Variants in SVIL observed in about 807,000 individuals in gnomAD.
The protein encoded by SVIL is supervillin, also known as archvillin.
SVIL carries 101 observed loss-of-function variants against 240.4 expected under a neutral mutation model. The ratio of observed to expected loss-of-function variants is 0.42; its 90% CI spans 0.36 to 0.50. SVIL has a LOEUF of 0.50. Ranked by LOEUF, SVIL falls within the 20% of genes least tolerant of loss-of-function variation. The pLI, the probability that SVIL is intolerant of heterozygous loss-of-function variation, is 0.01. For missense variants in SVIL, 2,512 were observed against 2,818.7 expected, an observed-to-expected ratio of 0.89 and a Z score of 2.46; for synonymous variants, 999 against 1,100.0, an observed-to-expected ratio of 0.91 and a Z score of 1.82.
At chr10:29,492,068 G>T (rs185936287) in intron 21 of SVIL, among the ~76,000 whole-genome samples, 1 of 152,222 alleles carries the variant, frequency 6.6e-6, no homozygotes, top group East Asian at 1.9e-4. Flanking sequence ...GATTGCCGTG[G>T]GTGGAGCCTG....
intron 1 of SVIL, among the ~76,000 whole-genome samples, chr10:29,695,807 GTCTCCCTCTCCCGTCTCCC>G (rs1961893337): frequency 7.5e-5 from 9 of 120,068 alleles, no homozygotes; most frequent in East Asian, 3.2e-4. Flanking sequence ...TCCCTCTCCC[GTCTCCCTCTCCCGTCTCCC>G]TCTCCCTCTC....
At chr10:29,513,630 T>A (rs1165309826) in intron 16 of SVIL, among the ~76,000 whole-genome samples, 1 of 152,238 alleles carries the variant, frequency 6.6e-6, no homozygotes, top group Non-Finnish European at 1.5e-5. Flanking sequence ...TTGATGTTTA[T>A]GACTGTTTCT....
intron 5 of SVIL, 55 bp from the exon 6 acceptor site, chr10:29,551,318 T>G: frequency 3.4e-6 from 5 of 1,491,976 alleles, no homozygotes; most frequent in Non-Finnish European, 4.5e-6. Flanking sequence ...GACATGTATT[T>G]ACACACAGAA....
At chr10:29,706,935 G>T (rs991219746) in intron 1 of SVIL, among the ~76,000 whole-genome samples, 1 of 152,158 alleles carries the variant, frequency 6.6e-6, no homozygotes, top group Non-Finnish European at 1.5e-5. Flanking sequence ...GTTTGTCGAA[G>T]ATCAGATGGT....
intron 1 of SVIL, among the ~76,000 whole-genome samples, chr10:29,581,394 T>A (rs1955939324): frequency 1.3e-5 from 2 of 152,200 alleles, no homozygotes; most frequent in Admixed American, 6.5e-5. Flanking sequence ...AGATGCTCTG[T>A]GAATTTTGGT....
chr10:29,512,057 T>A (rs960768898), intron 17 of SVIL, among the ~76,000 whole-genome samples: 3 of 152,220 alleles, frequency 2.0e-5, no homozygotes, highest in Non-Finnish European at 4.4e-5. Flanking sequence ...TTTGCAATTG[T>A]AGGGCCAGCC....
At chr10:29,642,269 C>T (rs939581306) in intron 3 of SVIL, among the ~76,000 whole-genome samples, 5 of 151,874 alleles carry the variant, frequency 3.3e-5, no homozygotes, top group South Asian at 2.1e-4. Context: ...TATGGTGGCT[C>T]GAGCCTGTAA....
intron 17 of SVIL, among the ~76,000 whole-genome samples, chr10:29,509,517 C>T (rs1949669562): frequency 6.6e-6 from 1 of 152,116 alleles, no homozygotes; most frequent in East Asian, 1.9e-4. Context: ...TGGTAAGTTT[C>T]CTATTCCCTG....
At chr10:29,550,022 A>T (rs1413040262) in intron 6 of SVIL, among the ~76,000 whole-genome samples, 3 of 129,324 alleles carry the variant, frequency 2.3e-5, no homozygotes, top group East Asian at 2.2e-4. Flanking sequence ...TAAAGTATAA[A>T]AAAAAAAAAA....
intron 2 of SVIL, among the ~76,000 whole-genome samples, chr10:29,564,213 A>G (rs1261837584): frequency 6.6e-6 from 1 of 152,180 alleles, no homozygotes; most frequent in Non-Finnish European, 1.5e-5. Context: ...GCAGCACAAC[A>G]CTGGAACTAG....
chr10:29,458,463 C>G lies in SVIL; in HGVS notation c.6529G>C (p.Glu2177Gln). 6.3e-7 allele frequency: 1 copy of G among 1,581,032 alleles called. No individual in the cohort carries two copies. The highest frequency in any genetic ancestry group is 1.2e-5 in the South Asian group (1 of 85,368). The stretch of plus-strand genomic sequence containing the variant: ...AAGTCTTCGTCGGTGAGATAGATCT[C>G]AAGCTTCAGAGGATCGACCCCCTCC... ...LPEGVDPLKLEIYLTDEDFEF... is the reference protein window; with the variant it reads ...LPEGVDPLKLQIYLTDEDFEF... The change falls in exon 37 of 38, where the codon GAG becomes CAG. Residue 2177 changes from glutamate to glutamine, a missense_variant. Physicochemically the swap from Glu to Gln is conservative, Grantham distance 29 (BLOSUM62 2). Transcript: ENST00000355867.
rs879554289 is a variant in SVIL, at chr10:29,539,196, TAAAC to T, written c.828-3131_828-3128del. Reference sequence around the variant, plus strand: ...ATAAATAAATAAATAAATAAATAAATAAACAAACAAAGTATGTGAAGGCATCATG... The same window carrying T: ...ATAAATAAATAAATAAATAAATAAATAAACAAAGTATGTGAAGGCATCATG... On this transcript the variant is annotated intron_variant, in intron 6 of 37. Transcript: ENST00000355867. 3.0e-3 allele frequency among the ~76,000 whole-genome samples: 460 copies of T among 151,040 alleles called. 2 individuals are homozygous for T. The highest frequency in any genetic ancestry group is 5.0e-3 in the Admixed American group (76 of 15,154).
chr10:29,499,359 A>C, intron 17 of SVIL, 96 bp from the exon 18 acceptor site: 1 of 1,497,476 alleles, frequency 6.7e-7, no homozygotes, highest in Non-Finnish European at 9.2e-7. Context: ...AAGCAGGTTG[A>C]CAAAGAGGAG....
At chr10:29,677,050 T>C (rs2132574995) in intron 2 of SVIL, among the ~76,000 whole-genome samples, 1 of 152,358 alleles carries the variant, frequency 6.6e-6, no homozygotes, top group Non-Finnish European at 1.5e-5. Flanking sequence ...TGATCATTTC[T>C]CAATTTCAAA....
chr10:29,609,958 A>G (rs138998465), intron 1 of SVIL, among the ~76,000 whole-genome samples: 71 of 152,322 alleles, frequency 4.7e-4, no homozygotes, highest in South Asian at 8.3e-4. Context: ...TGCCACCAGC[A>G]ACAGAGGTTT....
chr10:29,534,554 A>G (rs932492402), intron 7 of SVIL, among the ~76,000 whole-genome samples: 1 of 152,212 alleles, frequency 6.6e-6, no homozygotes, highest in African/African-American at 2.4e-5. Flanking sequence ...AGTTGTTTCT[A>G]AAGTTATTCA....
chr10:29,470,549 C>T (rs1333675307), intron 31 of SVIL, 66 bp from the exon 32 acceptor site: 139 of 1,577,518 alleles, frequency 8.8e-5, no homozygotes, highest in Non-Finnish European at 1.1e-4. Flanking sequence ...CGCGGCCCTT[C>T]CTAGTGTCCG....
intron 1 of SVIL, among the ~76,000 whole-genome samples, chr10:29,627,386 G>A (rs1354253166): frequency 6.6e-6 from 1 of 152,176 alleles, no homozygotes; most frequent in African/African-American, 2.4e-5. Context: ...GGCTCAGAGA[G>A]GTTAAGAATT....
intron 1 of SVIL, among the ~76,000 whole-genome samples, chr10:29,706,930 T>C (rs1005502670): frequency 4.6e-5 from 7 of 152,192 alleles, no homozygotes; most frequent in African/African-American, 1.7e-4. Context: ...GTTTGGTTTG[T>C]CGAAGATCAG....
Sources: allele counts gnomAD v4.1 joint callset (sites outside exome capture counted in the v4.1 genomes callset), GRCh38; gene constraint gnomAD v4.1.1; transcripts MANE v1.5; gene names NCBI Gene and HGNC (gene_info 2026-07-23, HGNC 2026-07-21).